RSRC1: variants seen among roughly 807,000 people sequenced by gnomAD.
The protein encoded by RSRC1 is arginine and serine rich coiled-coil 1.
Under a neutral mutation model 49.1 loss-of-function variants are expected in RSRC1, and 39 were observed. That is an observed-to-expected ratio of 0.79 (90% CI 0.61 to 1.04). The LOEUF (loss-of-function observed/expected upper bound fraction) is 1.04. RSRC1 is among the 50% of genes least tolerant of loss of function. The pLI is 0.00. For synonymous variants in RSRC1, 143 were observed against 130.8 expected (o/e 1.09, Z -0.63); for missense variants, 388 against 402.4 (o/e 0.96, Z 0.31).
chr3:158,422,443 T>A (rs1560035458), intron 6 of RSRC1, among the ~76,000 whole-genome samples: 2 of 151,694 alleles, frequency 1.3e-5, no homozygotes, highest in Non-Finnish European at 2.9e-5. Context: ...CCATGGTGTA[T>A]ATGTGCCACA....
At chr3:158,282,500 G>C (rs1277875381) in intron 4 of RSRC1, among the ~76,000 whole-genome samples, 1 of 152,182 alleles carries the variant, frequency 6.6e-6, no homozygotes, top group African/African-American at 2.4e-5. Context: ...GGTCTGTGTA[G>C]TAATGGTGAT....
intron 6 of RSRC1, among the ~76,000 whole-genome samples, chr3:158,359,513 G>A (rs1731352363): frequency 6.6e-6 from 1 of 152,264 alleles, no homozygotes; most frequent in African/African-American, 2.4e-5. Flanking sequence ...CAGAGCAGGT[G>A]GCAGCATGGG....
At position 158,427,717 on chromosome 3, in the gene RSRC1, T is replaced by G. The variant is rs373236500; in HGVS notation, c.584-33218T>G. On this transcript the variant is annotated intron_variant, in intron 6 of 9. Transcript: ENST00000611884. ...ATTCATATGTTTATATCACATAAAT[T>G]TATTTTTATTCTGCTTTTTTGCATC... 4.5e-4 allele frequency among the ~76,000 whole-genome samples: 68 copies of G among 151,868 alleles called. 6 individuals are homozygous for G. In the East Asian group the frequency reaches 5.7e-3, roughly 13 times the overall value.
chr3:158,224,128 T>C (rs543852073), intron 4 of RSRC1, among the ~76,000 whole-genome samples: 1 of 151,922 alleles, frequency 6.6e-6, no homozygotes, highest in South Asian at 2.1e-4. Context: ...GCATAAATGG[T>C]ACTGAAGTAA....
intron 3 of RSRC1, among the ~76,000 whole-genome samples, chr3:158,161,119 T>C (rs1030341316): frequency 3.3e-5 from 5 of 152,162 alleles, no homozygotes; most frequent in Admixed American, 2.6e-4. Flanking sequence ...TAGTCAGCTA[T>C]TGACACAATA....
chr3:158,148,127 G>T (rs962482789), intron 3 of RSRC1, among the ~76,000 whole-genome samples: 1 of 152,076 alleles, frequency 6.6e-6, no homozygotes, highest in Non-Finnish European at 1.5e-5. Flanking sequence ...TATTATCTGG[G>T]ATTATAAACC....
At chr3:158,248,905 C>CAT (rs1306253054) in intron 4 of RSRC1, among the ~76,000 whole-genome samples, 1 of 151,898 alleles carries the variant, frequency 6.6e-6, no homozygotes, top group Non-Finnish European at 1.5e-5. Context: ...CCTAGTACCA[C>CAT]TGTACATTGA....
At chr3:158,351,379 G>A (rs906965534) in intron 5 of RSRC1, among the ~76,000 whole-genome samples, 2 of 152,198 alleles carry the variant, frequency 1.3e-5, no homozygotes, top group South Asian at 2.1e-4. Flanking sequence ...ATTTGCATCT[G>A]TACAACCTAT....
chr3:158,183,197 T>G (rs1483430804), intron 3 of RSRC1, among the ~76,000 whole-genome samples: 3 of 152,088 alleles, frequency 2.0e-5, no homozygotes, highest in African/African-American at 7.2e-5. Flanking sequence ...TAAGGAAAAC[T>G]CCAGGTGATA....
chr3:158,272,520 T>C (rs1725575429), intron 4 of RSRC1, among the ~76,000 whole-genome samples: 1 of 152,130 alleles, frequency 6.6e-6, no homozygotes, highest in African/African-American at 2.4e-5. Context: ...CATCTTTTCT[T>C]TTGGAGTTTA....
At chr3:158,424,070 C>T (rs1381681673) in intron 6 of RSRC1, among the ~76,000 whole-genome samples, 1 of 151,918 alleles carries the variant, frequency 6.6e-6, no homozygotes, top group African/African-American at 2.4e-5. Flanking sequence ...TTATTTCCTT[C>T]TCCTGCCTAA....
chr3:158,527,158 G>A (rs1712093754), intron 7 of RSRC1, among the ~76,000 whole-genome samples: 1 of 148,000 alleles, frequency 6.8e-6, no homozygotes, highest in Non-Finnish European at 1.5e-5. Context: ...CAGCCCCATG[G>A]TGTTAGGGGT....
intron 4 of RSRC1, among the ~76,000 whole-genome samples, chr3:158,289,449 A>G (rs542267309): frequency 7.2e-5 from 11 of 152,338 alleles, no homozygotes; most frequent in African/African-American, 2.6e-4. Context: ...CTATAAAACT[A>G]AAGGATCTTA....
At chr3:158,464,404 T>C (rs1459430275) in intron 7 of RSRC1, among the ~76,000 whole-genome samples, 1 of 152,182 alleles carries the variant, frequency 6.6e-6, no homozygotes, top group Admixed American at 6.6e-5. Flanking sequence ...TTTCCCCTTG[T>C]GTTTATTCAA....
At chr3:158,279,542 C>T (rs1476376518) in intron 4 of RSRC1, among the ~76,000 whole-genome samples, 3 of 152,154 alleles carry the variant, frequency 2.0e-5, no homozygotes, top group Non-Finnish European at 4.4e-5. Flanking sequence ...TAAGCTAGCG[C>T]ACTTTTAAAT....
chr3:158,394,057 A>G (rs1733476574), intron 6 of RSRC1, among the ~76,000 whole-genome samples: 1 of 152,120 alleles, frequency 6.6e-6, no homozygotes, highest in Non-Finnish European at 1.5e-5. Context: ...CAGAAACCAC[A>G]TGATCATCTC....
chr3:158,308,412 G>A (rs1186694146), intron 5 of RSRC1, among the ~76,000 whole-genome samples: 1 of 151,838 alleles, frequency 6.6e-6, no homozygotes, highest in Admixed American at 6.6e-5. Flanking sequence ...TGATGTAGCA[G>A]GCTGCAAGGC....
chr3:158,159,009 T>G (rs1008582865), intron 3 of RSRC1, among the ~76,000 whole-genome samples: 1 of 151,984 alleles, frequency 6.6e-6, no homozygotes, highest in East Asian at 1.9e-4. Flanking sequence ...CAAGTGATGC[T>G]GTCTTTTCTA....
At chr3:158,318,033 G>T (rs1728563113) in intron 5 of RSRC1, among the ~76,000 whole-genome samples, 1 of 152,010 alleles carries the variant, frequency 6.6e-6, no homozygotes, top group Non-Finnish European at 1.5e-5. Flanking sequence ...GTGCGTGTGT[G>T]TGTGTGTGTG....
Sources: allele counts gnomAD v4.1 joint callset (sites outside exome capture counted in the v4.1 genomes callset), GRCh38; gene constraint gnomAD v4.1.1; transcripts MANE v1.5; gene names NCBI Gene and HGNC (gene_info 2026-07-23, HGNC 2026-07-21).